APOO: variants seen among roughly 807,000 people sequenced by gnomAD.
APOO encodes MICOS complex subunit MIC26.
In APOO, 11 loss-of-function variants were observed where a neutral mutation model predicts 23.1. That is an observed-to-expected ratio of 0.48 (90% CI 0.30 to 0.79). APOO has a LOEUF of 0.79. Ranked by LOEUF, APOO falls within the 30% of genes least tolerant of loss-of-function variation. The pLI, the probability that APOO is intolerant of heterozygous loss-of-function variation, is 0.07. For synonymous variants in APOO, 59 were observed against 54.8 expected, an observed-to-expected ratio of 1.08 and a Z score of -0.34; for missense variants, 160 against 142.7, an observed-to-expected ratio of 1.12 and a Z score of -0.62.
chrX:23,869,907 G>A (rs7892262), intron 4 of APOO, among the ~76,000 whole-genome samples: 35,831 of 103,758 alleles, frequency 0.35, 7,645 homozygotes, highest in African/African-American at 0.77. Context: ...AGCCAAGATC[G>A]CGCCACTGCA....
intron 8 of APOO, among the ~76,000 whole-genome samples, chrX:23,839,510 TTAAG>T (rs757464494): frequency 5.4e-5 from 6 of 111,664 alleles, no homozygotes; most frequent in Non-Finnish European, 1.1e-4. Flanking sequence ...TTCATAAATT[TTAAG>T]TAAGGGCCAT....
intron 1 of APOO, chrX:23,883,812 A>G (rs1926251260): frequency 8.9e-6 from 1 of 111,856 alleles, no homozygotes; most frequent in Non-Finnish European, 1.9e-5. Context: ...CGACCTGCCC[A>G]TCTGCCTGCT....
chrX:23,864,478 T>C (rs905289119), intron 5 of APOO, among the ~76,000 whole-genome samples: 1 of 110,795 alleles, frequency 9.0e-6, no homozygotes, highest in African/African-American at 3.3e-5. Context: ...AATGTTTGTA[T>C]TTTTAGTAGA....
intron 1 of APOO, among the ~76,000 whole-genome samples, chrX:23,902,470 A>T (rs1317725667): frequency 1.8e-5 from 2 of 111,426 alleles, no homozygotes; most frequent in Non-Finnish European, 3.8e-5. Context: ...CATGATGCCC[A>T]GCCCATAGTT....
chrX:23,851,524 G>A (rs184495018), intron 7 of APOO, among the ~76,000 whole-genome samples: 1 of 112,335 alleles, frequency 8.9e-6, no homozygotes, highest in Non-Finnish European at 1.9e-5. Flanking sequence ...TAGATAATTG[G>A]TTGGTATGTA....
At chrX:23,860,825 C>A (rs1186237423) in intron 5 of APOO, among the ~76,000 whole-genome samples, 32 of 100,817 alleles carry the variant, frequency 3.2e-4, no homozygotes, top group Non-Finnish European at 4.9e-4. Context: ...CCCAGCCCCC[C>A]ATCTCTATTC....
intron 7 of APOO, among the ~76,000 whole-genome samples, chrX:23,844,611 G>GGA (rs1924150527): frequency 9.0e-6 from 1 of 111,154 alleles, no homozygotes; most frequent in African/African-American, 3.3e-5. Context: ...ACAGCCTCGA[G>GGA]GAACTGAGTT....
chrX:23,850,022 A>G (rs1348385484), intron 7 of APOO, among the ~76,000 whole-genome samples: 2 of 112,350 alleles, frequency 1.8e-5, no homozygotes, highest in Non-Finnish European at 3.8e-5. Context: ...CCTGAGTACA[A>G]TAACGGTATT....
intron 7 of APOO, among the ~76,000 whole-genome samples, chrX:23,842,173 G>A (rs889665413): frequency 2.7e-5 from 3 of 111,237 alleles, no homozygotes; most frequent in African/African-American, 9.8e-5. Flanking sequence ...TGGATCACTT[G>A]AGCCCAGGAG....
intron 1 of APOO, among the ~76,000 whole-genome samples, chrX:23,895,865 G>A (rs1408098769): frequency 9.3e-6 from 1 of 107,528 alleles, no homozygotes; most frequent in Non-Finnish European, 1.9e-5. Context: ...AAAGAAAATG[G>A]CATTTTTTTT....
At chrX:23,835,972 G>A (rs56885889) in intron 8 of APOO, among the ~76,000 whole-genome samples, 181 of 112,316 alleles carry the variant, frequency 1.6e-3, no homozygotes, top group African/African-American at 5.6e-3. Flanking sequence ...ATGAGGGAGC[G>A]GAAACTATTA....
intron 1 of APOO, among the ~76,000 whole-genome samples, chrX:23,905,598 G>A (rs1431584685): frequency 9.0e-6 from 1 of 110,716 alleles, no homozygotes; most frequent in Non-Finnish European, 1.9e-5. Context: ...GTCCCCAGGG[G>A]TTCCTTACCT....
intron 1 of APOO, among the ~76,000 whole-genome samples, chrX:23,904,600 G>A (rs977839440): frequency 9.6e-6 from 1 of 104,545 alleles, no homozygotes; most frequent in Non-Finnish European, 2.0e-5. Flanking sequence ...TCCGCCTCCC[G>A]GGTTCTTGCC....
chrX:23,833,962 C>T (rs1041649266), intron 8 of APOO, among the ~76,000 whole-genome samples: 18 of 110,690 alleles, frequency 1.6e-4, no homozygotes, highest in African/African-American at 4.6e-4. Flanking sequence ...CCAGCCTGGG[C>T]GACAAGAATG....
intron 7 of APOO, among the ~76,000 whole-genome samples, chrX:23,847,431 C>A (rs1045614447): frequency 1.8e-5 from 2 of 109,913 alleles, no homozygotes; most frequent in Non-Finnish European, 3.8e-5. Flanking sequence ...TCGAGATCAT[C>A]CTGGCTAACA....
rs1339250005 is a variant in APOO, at chrX:23,853,616, T to TG, written c.561+2685_561+2686insC. Among the ~76,000 whole-genome samples, 11 of 106,149 alleles carry TG rather than the reference T, an allele frequency of 1.0e-4. 1 individual carries two copies. In the South Asian group the frequency reaches 2.2e-3, roughly 22 times the overall value. 92.2% of individuals were successfully genotyped at this position (106,149 alleles called of 115,157 possible). A position where few individuals can be genotyped will look rare whatever the true frequency, so the allele number is the denominator to read the frequency against. ...AGCCACCGAGCCCGACCGTTTTTTTTTTTTGTTTGTTTGTTTGTTTGTTTT... is the reference window on the plus strand; with the variant it reads ...AGCCACCGAGCCCGACCGTTTTTTTTGTTTTGTTTGTTTGTTTGTTTGTTTT... On this transcript the variant is annotated intron_variant, in intron 7 of 8. Coordinates refer to ENST00000379226, the MANE Select transcript of APOO (RefSeq NM_024122.5).
intron 5 of APOO, among the ~76,000 whole-genome samples, chrX:23,863,688 AAGG>A (rs1474099074): frequency 9.0e-6 from 1 of 110,874 alleles, no homozygotes; most frequent in African/African-American, 3.3e-5. Flanking sequence ...AGAGTAAACC[AAGG>A]AGAAGATGAC....
intron 1 of APOO, among the ~76,000 whole-genome samples, chrX:23,900,670 G>A (rs1273994797): frequency 4.2e-5 from 4 of 94,801 alleles, no homozygotes; most frequent in Non-Finnish European, 6.3e-5. Flanking sequence ...GCAAGACTCC[G>A]GCTCAAAAAA....
chrX:23,899,296 A>C (rs748329475), intron 1 of APOO, among the ~76,000 whole-genome samples: 4 of 112,498 alleles, frequency 3.6e-5, no homozygotes, highest in Middle Eastern at 9.2e-3. Context: ...ATAGCTTAAC[A>C]ATCAAAGTCA....
Sources: gnomAD v4.1 joint callset for allele counts (sites outside exome capture counted in the v4.1 genomes callset) on GRCh38, gnomAD v4.1.1 for gene constraint, MANE v1.5 for transcripts, NCBI Gene and HGNC (gene_info 2026-07-23, HGNC 2026-07-21) for gene names.